IGF2R: variants seen among roughly 807,000 people sequenced by gnomAD.
IGF2R encodes insulin like growth factor 2 receptor, also known as cation-independent mannose-6-phosphate receptor.
A neutral mutation model predicts 270.6 loss-of-function variants in IGF2R; 91 were observed. The ratio of observed to expected loss-of-function variants is 0.34; its 90% CI spans 0.28 to 0.40. The LOEUF (loss-of-function observed/expected upper bound fraction) is 0.40, where lower values mean the gene tolerates loss of function less well. Ranked by LOEUF, IGF2R falls within the 10% of genes least tolerant of loss-of-function variation. The probability of loss-of-function intolerance (pLI) is 1.00; values close to 1 mark genes in which losing one functional copy is unlikely to be tolerated. For synonymous variants in IGF2R, 1,316 were observed against 1,258.9 expected (o/e 1.05, Z -0.96); for missense variants, 2,805 against 3,188.3 (o/e 0.88, Z 2.90).
intron 2 of IGF2R, among the ~76,000 whole-genome samples, chr6:159,995,125 G>A (rs1435456937): frequency 6.6e-6 from 1 of 151,930 alleles, no homozygotes; most frequent in East Asian, 1.9e-4. Context: ...GCTTTGGTGT[G>A]GGGTGCATTT....
At chr6:160,089,032 AG>A (rs1280442189) in intron 42 of IGF2R, 74 bp from the exon 43 acceptor site, 13 of 1,484,970 alleles carry the variant, frequency 8.8e-6, no homozygotes, top group African/African-American at 1.4e-5. Flanking sequence ...AGGGCTCCGC[AG>A]TGTTCATTGT....
At chr6:160,080,390 A>G (rs1046565143) in intron 39 of IGF2R, 115 bp downstream of exon 39, 8 of 1,057,590 alleles carry the variant, frequency 7.6e-6, no homozygotes, top group Non-Finnish European at 9.4e-6. Flanking sequence ...TCTCTTGCAT[A>G]AAATATTTTC....
chr6:160,080,070 A>G (rs1778943892), intron 38 of IGF2R, 59 bp from the exon 39 acceptor site: 1 of 1,589,560 alleles, frequency 6.3e-7, no homozygotes, highest in Non-Finnish European at 8.6e-7. Context: ...CTGCATTCTG[A>G]GGTGATTGTG....
chr6:160,019,515 A>G (rs1308544437), intron 4 of IGF2R, among the ~76,000 whole-genome samples: 1 of 152,192 alleles, frequency 6.6e-6, no homozygotes, highest in Non-Finnish European at 1.5e-5. Context: ...GCACACAACA[A>G]AGAAAGAAAA....
chr6:160,102,223 C>T lies in IGF2R; in HGVS notation c.6843-296C>T, dbSNP rs8191942. Reference sequence around the variant, plus strand: ...GTGGATTGGGCCACCTAGAGGGGGCCGCGTCCCTCCTGCCTGTCTCCTCTG... The same window carrying T: ...GTGGATTGGGCCACCTAGAGGGGGCTGCGTCCCTCCTGCCTGTCTCCTCTG... On this transcript the variant is annotated intron_variant, in intron 45 of 47. Transcript: ENST00000356956. This position sits in a 1 kb window ranked among gnomAD's most constrained non-coding sequence, Gnocchi z 4.5. Among the ~76,000 whole-genome samples, 8,876 of 152,270 alleles carry T rather than the reference C, an allele frequency of 0.058. 336 individuals are homozygous for T. Among genetic ancestry groups the T allele is most frequent in the African/African-American group, 0.098 (4,089 of 41,542 alleles).
intron 10 of IGF2R, among the ~76,000 whole-genome samples, chr6:160,037,344 C>G (rs1402062662): frequency 6.6e-6 from 1 of 152,234 alleles, no homozygotes; most frequent in Non-Finnish European, 1.5e-5. Flanking sequence ...TAATTCAGCA[C>G]TCCAAACTCT....
chr6:160,059,098 G>C lies in IGF2R; in HGVS notation c.3091G>C (p.Gly1031Arg), dbSNP rs2274850. 25 of 1,613,346 alleles carry C rather than the reference G, an allele frequency of 1.5e-5. No individual in the cohort carries two copies. In the East Asian group the frequency reaches 5.6e-4, roughly 36 times the overall value. Residue 1031 changes from glycine (G) to arginine (R), a missense_variant and splice_region_variant, in exon 22 of 48, where the codon GGT (glycine) becomes CGT (arginine). By Grantham distance (125) the Gly-to-Arg change is moderately radical. This residue lies in a region of IGF2R where 1,851 missense variants were observed against 2,207.2 expected (regional missense o/e 0.84). Transcript: ENST00000356956. ...LTYKGPLSAK[G>R]TADAFIVRFV... ...CTACAAAGGGCCTCTCTCTGCCAAA[G>C]GTGAGCTCAGAGCCATGTTGTTTTG...
Position 160,067,914 on chromosome 6 carries a change from A to C in IGF2R, c.4116-335A>C, listed in dbSNP as rs1187344089. Among the ~76,000 whole-genome samples the C allele has an allele frequency of 2.0e-5, 3 of 152,326 alleles. No individual in the cohort carries two copies. The East Asian group carries it at 5.8e-4, about 29-fold the overall frequency. Reference sequence around the variant, plus strand: ...TGGCTGCTTACCTTTGTCACCAGCAAGTTCCACTTCTCAGTGGCCTGAGCA... The same window carrying C: ...TGGCTGCTTACCTTTGTCACCAGCACGTTCCACTTCTCAGTGGCCTGAGCA... On this transcript the variant is annotated intron_variant, in intron 29 of 47. Coordinates refer to ENST00000356956, the MANE Select transcript of IGF2R (RefSeq NM_000876.4).
intron 1 of IGF2R, among the ~76,000 whole-genome samples, chr6:159,988,365 A>T (rs1282597632): frequency 1.3e-5 from 2 of 151,864 alleles, no homozygotes; most frequent in Admixed American, 6.6e-5. Flanking sequence ...AATACAAAAC[A>T]TTAGCTGGGT....
Position 160,046,653 on chromosome 6 carries a change from G to A in IGF2R, c.2051+8G>A. The A allele has an allele frequency of 6.2e-7, 1 of 1,611,266 alleles. No individual in the cohort carries two copies. The highest frequency in any genetic ancestry group is 1.7e-5 in the Admixed American group (1 of 58,908). ...CTGCCAGGTGGCAAAAAGGCAAGTA[G>A]CTTCTCAGTTCTGTTTCATTCTTAG... On this transcript the variant is annotated splice_region_variant and intron_variant, in intron 15 of 47. Transcript: ENST00000356956.
chr6:160,074,301 T>G (rs1336166325), intron 35 of IGF2R, among the ~76,000 whole-genome samples: 1 of 152,254 alleles, frequency 6.6e-6, no homozygotes, highest in African/African-American at 2.4e-5. Context: ...TGCCCTAGCC[T>G]GGTTTCTTTG....
intron 39 of IGF2R, among the ~76,000 whole-genome samples, chr6:160,082,813 A>G (rs17200966): frequency 1.3e-5 from 2 of 152,130 alleles, no homozygotes; most frequent in African/African-American, 4.8e-5. Context: ...CAGATGGCGG[A>G]TGGAGTCTGC....
At position 160,027,195 on chromosome 6, in the gene IGF2R, A is replaced by G. The variant is rs543431803; in HGVS notation, c.657A>G (p.Arg219=). 2 of 1,614,248 alleles carry G rather than the reference A, an allele frequency of 1.2e-6. No homozygotes were observed. The highest frequency in any genetic ancestry group is 1.7e-6 in the Non-Finnish European group (2 of 1,180,042). ...ATACATGATTTTCAGACACACTACGAGACCCAGGTTCACAGCTGCGGGCCT... is the reference window on the plus strand; with the variant it reads ...ATACATGATTTTCAGACACACTACGGGACCCAGGTTCACAGCTGCGGGCCT... The part of the protein sequence containing the change: ...INVCRDIDTL[R]DPGSQLRACP... Residue 219 remains arginine (R), a synonymous_variant, in exon 6 of 48, where the codon CGA becomes CGG. Transcript: ENST00000356956.
At chr6:160,025,197 A>G (rs916911562) in intron 5 of IGF2R, among the ~76,000 whole-genome samples, 4 of 152,234 alleles carry the variant, frequency 2.6e-5, no homozygotes, top group East Asian at 1.9e-4. Context: ...TAAATTAACT[A>G]AAGACCGTAA....
intron 2 of IGF2R, among the ~76,000 whole-genome samples, chr6:159,993,236 T>C (rs1784004611): frequency 6.6e-6 from 1 of 152,234 alleles, no homozygotes; most frequent in Non-Finnish European, 1.5e-5. Context: ...CTTTTTAGTT[T>C]AATTAAATCT....
At chr6:160,023,682 G>A (rs1777488794) in intron 4 of IGF2R, among the ~76,000 whole-genome samples, 1 of 152,172 alleles carries the variant, frequency 6.6e-6, no homozygotes, top group Admixed American at 6.5e-5. Context: ...CAAGTGTTCT[G>A]CTTCGAGTCT....
At chr6:160,069,120 G>A (rs1048977569) in intron 30 of IGF2R, among the ~76,000 whole-genome samples, 2 of 152,074 alleles carry the variant, frequency 1.3e-5, no homozygotes, top group African/African-American at 4.8e-5. Flanking sequence ...TTGTGATGCA[G>A]GGACAGCTCA....
chr6:160,043,387 C>G, intron 12 of IGF2R, 99 bp downstream of exon 12: 1 of 1,316,646 alleles, frequency 7.6e-7, no homozygotes, highest in Non-Finnish European at 1.0e-6. Flanking sequence ...TAAGCCTCCT[C>G]TTTCTATAAT....
chr6:160,008,067 A>C (rs1784274014), intron 2 of IGF2R, among the ~76,000 whole-genome samples: 1 of 152,020 alleles, frequency 6.6e-6, no homozygotes, highest in Non-Finnish European at 1.5e-5. Flanking sequence ...TTAATGATCT[A>C]AAAAAAATCA....
Sources: gnomAD v4.1 joint callset for allele counts (sites outside exome capture counted in the v4.1 genomes callset) on GRCh38, gnomAD v4.1.1 for gene constraint, gnomAD v4.1.1 regional missense constraint, Gnocchi (gnomAD v3.1) non-coding constraint, MANE v1.5 for transcripts, NCBI Gene and HGNC (gene_info 2026-07-23, HGNC 2026-07-21) for gene names.